DMD: variants seen among roughly 807,000 people sequenced by gnomAD.
DMD encodes dystrophin.
In DMD, 63 loss-of-function variants were observed where a neutral mutation model predicts 330.1. The ratio of observed to expected loss-of-function variants is 0.19; its 90% CI spans 0.16 to 0.24. DMD has a LOEUF of 0.24. Among genes scored for constraint, DMD ranks in the 10% least tolerant of loss-of-function variants. DMD has a pLI of 1.00. For missense variants in DMD, 3,344 were observed against 2,684.1 expected (o/e 1.25, Z -5.43); for synonymous variants, 1,223 against 959.8 (o/e 1.27, Z -5.07).
In DMD at chrX:32,734,277, T is replaced by A. The variant is rs2068112228; in HGVS notation, c.650-34984A>T. 5.2e-5 allele frequency among the ~76,000 whole-genome samples: 5 copies of A among 95,930 alleles called. No homozygotes were observed. In the South Asian group the frequency reaches 2.6e-3, roughly 51 times the overall value. 83.3% of individuals were successfully genotyped at this position (95,930 alleles called of 115,157 possible). ...TGAAATTGTGGCAATAATCAATAGCTTACCAACCAAAAAGAGTCCAGGACC... is the reference window on the plus strand; with the variant it reads ...TGAAATTGTGGCAATAATCAATAGCATACCAACCAAAAAGAGTCCAGGACC... On this transcript the variant is annotated intron_variant, in intron 7 of 78. Coordinates refer to ENST00000357033, the MANE Select transcript of DMD (RefSeq NM_004006.3).
At chrX:31,297,044 AT>A (rs1167290050) in intron 62 of DMD, among the ~76,000 whole-genome samples, 2 of 111,602 alleles carry the variant, frequency 1.8e-5, no homozygotes, top group Non-Finnish European at 3.8e-5. Flanking sequence ...TGTATACACA[AT>A]TGTGTATGTA....
chrX:32,887,995 A>G (rs1435029212), intron 2 of DMD, among the ~76,000 whole-genome samples: 1 of 110,427 alleles, frequency 9.1e-6, no homozygotes, highest in Admixed American at 9.7e-5. Context: ...CCAAAAATAT[A>G]TAAGAAACCT....
At chrX:33,227,712 A>AAGAGAG (rs759143130) in intron 1 of DMD, among the ~76,000 whole-genome samples, 1 of 104,785 alleles carries the variant, frequency 9.5e-6, no homozygotes, top group African/African-American at 3.5e-5. Flanking sequence ...ATAGTTTTTA[A>AAGAGAG]AGAGAGAGAG....
chrX:31,610,151 T>A (rs1235800554), intron 55 of DMD, among the ~76,000 whole-genome samples: 1 of 110,770 alleles, frequency 9.0e-6, no homozygotes, highest in African/African-American at 3.3e-5. Context: ...TCTGTCTCTC[T>A]AAAATCAACT....
chrX:32,602,609 T>C (rs190397750), intron 12 of DMD, among the ~76,000 whole-genome samples: 142 of 111,508 alleles, frequency 1.3e-3, no homozygotes, highest in Non-Finnish European at 2.1e-3. Context: ...TAGTCTCTTT[T>C]TCCTCTATTT....
Position 33,161,307 on chromosome X carries a change from T to C in DMD, c.31+49975A>G, listed in dbSNP as rs143170975. Among the ~76,000 whole-genome samples the C allele has an allele frequency of 2.9e-3, 320 of 111,965 alleles. 1 individual carries two copies. Among genetic ancestry groups the C allele is most frequent in the African/African-American group, 9.9e-3 (305 of 30,872 alleles). On this transcript the variant is annotated intron_variant, in intron 1 of 78. Coordinates refer to ENST00000357033, the MANE Select transcript of DMD (RefSeq NM_004006.3). Reference sequence around the variant, plus strand: ...CCAACAAGGTGTAGGTGCTGTTATTTTCCCCATGTTTACAGAAGAGGTAGA... The same window carrying C: ...CCAACAAGGTGTAGGTGCTGTTATTCTCCCCATGTTTACAGAAGAGGTAGA...
At chrX:32,646,892 G>A in intron 9 of DMD, among the ~76,000 whole-genome samples, 1 of 111,240 alleles carries the variant, frequency 9.0e-6, no homozygotes, top group East Asian at 2.8e-4. Context: ...ATCAAAGAGG[G>A]TAAGTGCACT....
intron 18 of DMD, among the ~76,000 whole-genome samples, chrX:32,506,254 G>T (rs1010836027): frequency 9.1e-6 from 1 of 110,262 alleles, no homozygotes; most frequent in African/African-American, 3.3e-5. Context: ...TTGACAGTGG[G>T]GCAGGCTATG....
At chrX:31,186,178 C>T (rs768168114) in intron 67 of DMD, among the ~76,000 whole-genome samples, 252 of 111,952 alleles carry the variant, frequency 2.3e-3, no homozygotes, top group African/African-American at 7.5e-3. Flanking sequence ...CTTTGGATTT[C>T]CTAGCTGCAA....
At chrX:32,365,928 T>C (rs185713723) in intron 34 of DMD, among the ~76,000 whole-genome samples, 193 of 111,672 alleles carry the variant, frequency 1.7e-3, no homozygotes, top group African/African-American at 6.0e-3. Flanking sequence ...GTCATGGGTA[T>C]CTCTATTGCT....
intron 13 of DMD, among the ~76,000 whole-genome samples, chrX:32,591,352 G>T (rs1355257008): frequency 1.8e-5 from 2 of 111,112 alleles, no homozygotes; most frequent in Non-Finnish European, 3.8e-5. Flanking sequence ...CTAAAAATAG[G>T]GTTTTAATGG....
chrX:31,680,464 G>C (rs376133416), intron 52 of DMD, among the ~76,000 whole-genome samples: 6 of 109,381 alleles, frequency 5.5e-5, no homozygotes, highest in Admixed American at 9.7e-5. Flanking sequence ...TCCGCCTCCC[G>C]GGTTCAAGCT....
intron 2 of DMD, among the ~76,000 whole-genome samples, chrX:32,950,840 A>G (rs1371022544): frequency 8.9e-6 from 1 of 111,930 alleles, no homozygotes; most frequent in African/African-American, 3.3e-5. Context: ...TCATTCATTC[A>G]GTAATCATTT....
intron 1 of DMD, among the ~76,000 whole-genome samples, chrX:33,086,897 G>A (rs2095015505): frequency 9.1e-6 from 1 of 110,310 alleles, no homozygotes; most frequent in Admixed American, 9.8e-5. Context: ...ATCATTTTAT[G>A]TATTTTTTTA....
chrX:31,284,557 TTTCTTCTTCTTCTTCTTC>T lies in DMD; in HGVS notation c.9225-23559_9225-23542del, dbSNP rs201340042. Among the ~76,000 whole-genome samples, 175 of 78,063 alleles carry T rather than the reference TTTCTTCTTCTTCTTCTTC, an allele frequency of 2.2e-3. 2 individuals carry two copies. In the East Asian group the frequency reaches 0.047, roughly 21 times the overall value. The allele number at this position is 78,063 out of a possible 115,157, so 67.8% of individuals were successfully genotyped here. On this transcript the variant is annotated intron_variant, in intron 62 of 78. Coordinates refer to ENST00000357033, the MANE Select transcript of DMD (RefSeq NM_004006.3). Reference sequence around the variant, plus strand: ...CTTTAAGAACTGCAATAACGAACTGTTTCTTCTTCTTCTTCTTCTTCTTCTTCTTCTTCTTCTTCTTCT... The same window carrying T: ...CTTTAAGAACTGCAATAACGAACTGTTTCTTCTTCTTCTTCTTCTTCTTCT...
intron 21 of DMD, among the ~76,000 whole-genome samples, chrX:32,477,824 T>C (rs1371523503): frequency 5.4e-5 from 6 of 111,268 alleles, no homozygotes; most frequent in Non-Finnish European, 9.5e-5. Context: ...AAGACGTAAC[T>C]GTGCCAACCA....
chrX:31,508,693 T>G (rs146624758), intron 55 of DMD, among the ~76,000 whole-genome samples: 2 of 112,127 alleles, frequency 1.8e-5, no homozygotes, highest in East Asian at 5.6e-4. Flanking sequence ...TGACTTGCTC[T>G]TAGAGATTTG....
At chrX:31,973,433 G>C (rs960936821) in intron 44 of DMD, among the ~76,000 whole-genome samples, 2 of 110,715 alleles carry the variant, frequency 1.8e-5, no homozygotes, top group Non-Finnish European at 3.8e-5. Context: ...CAAGGTCAAG[G>C]AGAGCTCAGA....
chrX:32,302,334 T>C (rs2097526514), intron 42 of DMD, among the ~76,000 whole-genome samples: 1 of 111,157 alleles, frequency 9.0e-6, no homozygotes, highest in South Asian at 3.7e-4. Flanking sequence ...GTTAAGTGTA[T>C]TGAATGCATT....
Sources: gnomAD v4.1 joint callset for allele counts (sites outside exome capture counted in the v4.1 genomes callset) on GRCh38, gnomAD v4.1.1 for gene constraint, MANE v1.5 for transcripts, NCBI Gene and HGNC (gene_info 2026-07-23, HGNC 2026-07-21) for gene names.